PCDH7: variants seen among roughly 807,000 people sequenced by gnomAD.
PCDH7 encodes the protein protocadherin-7.
Under a neutral mutation model 58.9 loss-of-function variants are expected in PCDH7, and 17 were observed. The ratio of observed to expected loss-of-function variants is 0.29; its 90% CI spans 0.20 to 0.43. The LOEUF is 0.43. Ranked by LOEUF, PCDH7 falls within the 20% of genes least tolerant of loss-of-function variation. The probability of loss-of-function intolerance (pLI) is 1.00; values close to 1 mark genes in which losing one functional copy is unlikely to be tolerated. For synonymous variants in PCDH7, 664 were observed against 616.4 expected (o/e 1.08, Z -1.14); for missense variants, 1,274 against 1,441.0 (o/e 0.88, Z 1.88).
At chr4:30,995,416 G>A (rs535198547) in intron 3 of PCDH7, among the ~76,000 whole-genome samples, 20 of 152,124 alleles carry the variant, frequency 1.3e-4, no homozygotes, top group Admixed American at 3.3e-4. Context: ...GGAGGCTCAC[G>A]CAGGAGACTG....
chr4:31,081,371 A>G (rs1188749417), intron 3 of PCDH7, among the ~76,000 whole-genome samples: 1 of 152,210 alleles, frequency 6.6e-6, no homozygotes, highest in Non-Finnish European at 1.5e-5. Flanking sequence ...TAGTTTTTCT[A>G]TTCAATTAAT....
intron 3 of PCDH7, among the ~76,000 whole-genome samples, chr4:30,961,421 G>T (rs1035242491): frequency 6.6e-6 from 1 of 151,730 alleles, no homozygotes; most frequent in South Asian, 2.1e-4. Flanking sequence ...GTGTGGTAGC[G>T]GGTGCCTGTA....
At chr4:31,100,530 G>A (rs539798719) in intron 3 of PCDH7, among the ~76,000 whole-genome samples, 16 of 152,284 alleles carry the variant, frequency 1.1e-4, no homozygotes, top group African/African-American at 3.4e-4. Flanking sequence ...CTTTTCTTGC[G>A]TGGTAAGCAT....
intron 3 of PCDH7, among the ~76,000 whole-genome samples, chr4:30,989,096 A>G (rs1751234240): frequency 2.0e-5 from 3 of 152,286 alleles, no homozygotes; most frequent in South Asian, 4.1e-4. Flanking sequence ...ATGTGAAGAC[A>G]AGGTGCCTGA....
intron 1 of PCDH7, among the ~76,000 whole-genome samples, chr4:30,888,413 A>T (rs1363090227): frequency 3.3e-5 from 5 of 152,218 alleles, no homozygotes; most frequent in Non-Finnish European, 7.3e-5. Context: ...CATTTGTTTT[A>T]TTCCTCAACA....
intron 3 of PCDH7, among the ~76,000 whole-genome samples, chr4:31,129,692 G>C (rs902644458): frequency 6.6e-6 from 1 of 152,018 alleles, no homozygotes; most frequent in African/African-American, 2.4e-5. Context: ...GAATGTAATG[G>C]TGCAATCTCG....
intron 1 of PCDH7, among the ~76,000 whole-genome samples, chr4:30,786,370 A>G (rs1723395864): frequency 6.6e-6 from 1 of 152,064 alleles, no homozygotes; most frequent in Admixed American, 6.6e-5. Flanking sequence ...TATTTGTAAT[A>G]TAAAGAAAGC....
In PCDH7 at chr4:30,937,171, TTAAA is replaced by T. The variant is rs781596786; in HGVS notation, c.288-12945_288-12942del. On this transcript the variant is annotated intron_variant, in intron 2 of 3. Coordinates refer to the PCDH7 transcript ENST00000509759. ...TCAGTAAAGTAAGCAGTAAAATATA[TTAAA>T]TAATTTATTTAATACTTCTAATATT... Among the ~76,000 whole-genome samples, 247 of 152,202 alleles carry T rather than the reference TTAAA, an allele frequency of 1.6e-3. 2 individuals carry two copies. The highest frequency in any genetic ancestry group is 1.8e-3 in the Non-Finnish European group (120 of 67,988).
chr4:31,054,787 T>A (rs146754328), intron 3 of PCDH7, among the ~76,000 whole-genome samples: 1 of 152,138 alleles, frequency 6.6e-6, no homozygotes, highest in Non-Finnish European at 1.5e-5. Flanking sequence ...TCAGTTCTTT[T>A]TTGTTGGTAT....
intron 3 of PCDH7, among the ~76,000 whole-genome samples, chr4:30,954,456 A>G (rs914450144): frequency 6.6e-6 from 1 of 152,096 alleles, no homozygotes; most frequent in Non-Finnish European, 1.5e-5. Context: ...CATTGTATGA[A>G]TATATGCACC....
chr4:31,125,488 A>G (rs895252977), intron 3 of PCDH7, among the ~76,000 whole-genome samples: 1 of 152,226 alleles, frequency 6.6e-6, no homozygotes, highest in Non-Finnish European at 1.5e-5. Flanking sequence ...AGTTTATAGT[A>G]CAGACTGCCC....
intron 1 of PCDH7, chr4:30,868,926 C>T (rs1195722984): frequency 6.6e-6 from 1 of 151,726 alleles, no homozygotes; most frequent in African/African-American, 2.4e-5. Context: ...ATAGTTCAAC[C>T]ATATGAAAAA....
chr4:31,002,690 G>A (rs143226170), intron 3 of PCDH7, among the ~76,000 whole-genome samples: 3,240 of 152,186 alleles, frequency 0.021, 103 homozygotes, highest in Admixed American at 0.089. Context: ...TGTAATTTTG[G>A]CATGAAATAA....
chr4:30,749,253 T>G (rs1011349948), intron 1 of PCDH7, among the ~76,000 whole-genome samples: 33 of 152,208 alleles, frequency 2.2e-4, no homozygotes, highest in African/African-American at 7.0e-4. Flanking sequence ...CAGATACTAA[T>G]GGAAATATTA....
At chr4:30,771,322 C>A (rs1721367293) in intron 1 of PCDH7, among the ~76,000 whole-genome samples, 1 of 152,124 alleles carries the variant, frequency 6.6e-6, no homozygotes. Flanking sequence ...TCATTGTCAA[C>A]AAAACAAAAT....
intron 1 of PCDH7, among the ~76,000 whole-genome samples, chr4:30,797,984 C>T (rs1725012220): frequency 6.6e-6 from 1 of 152,132 alleles, no homozygotes; most frequent in Admixed American, 6.6e-5. Flanking sequence ...GTTAGAGCTT[C>T]GCGTTCTTTT....
intron 3 of PCDH7, among the ~76,000 whole-genome samples, chr4:31,108,293 G>T (rs186100175): frequency 1.9e-3 from 272 of 141,580 alleles, no homozygotes; most frequent in African/African-American, 6.9e-3. Flanking sequence ...AGAAAATGTG[G>T]AATTCAGCCA....
intron 1 of PCDH7, among the ~76,000 whole-genome samples, chr4:30,874,471 A>G (rs1736025471): frequency 6.7e-6 from 1 of 148,444 alleles, no homozygotes; most frequent in Admixed American, 6.7e-5. Flanking sequence ...GTTCTCACTC[A>G]TAGGTGGGAA....
At chr4:30,747,248 C>T (rs940215730) in intron 1 of PCDH7, among the ~76,000 whole-genome samples, 4 of 152,220 alleles carry the variant, frequency 2.6e-5, no homozygotes, top group African/African-American at 9.6e-5. Flanking sequence ...TCATGTCCTA[C>T]ATGATGTTGG....
Sources: gnomAD v4.1 joint callset for allele counts (sites outside exome capture counted in the v4.1 genomes callset) on GRCh38, gnomAD v4.1.1 for gene constraint, MANE v1.5 for transcripts, NCBI Gene and HGNC (gene_info 2026-07-23, HGNC 2026-07-21) for gene names.